MICAL3: variants seen among roughly 807,000 people sequenced by gnomAD.
The protein encoded by MICAL3 is [F-actin]-monooxygenase MICAL3.
MICAL3 carries 62 observed loss-of-function variants against 207.4 expected under a neutral mutation model. The ratio of observed to expected loss-of-function variants is 0.30; its 90% confidence interval spans 0.24 to 0.37. The LOEUF (loss-of-function observed/expected upper bound fraction) is 0.37. Among genes scored for constraint, MICAL3 ranks in the 10% least tolerant of loss-of-function variants. The pLI is 1.00. For missense variants in MICAL3, 2,368 were observed against 2,635.6 expected (o/e 0.90, Z 2.22); for synonymous variants, 1,077 against 1,069.3 (o/e 1.01, Z -0.14).
At chr22:17,813,306 C>G (rs2062068109) in intron 27 of MICAL3, 1 of 152,208 alleles carries the variant, frequency 6.6e-6, no homozygotes, top group Admixed American at 6.5e-5. Context: ...TTAGGGAAAC[C>G]AGGGTGTGTG....
chr22:17,997,857 T>C (rs961194151), intron 1 of MICAL3, among the ~76,000 whole-genome samples: 26 of 151,814 alleles, frequency 1.7e-4, no homozygotes, highest in African/African-American at 6.3e-4. Context: ...ACTCAATAAA[T>C]GTTAACTATC....
rs2145944299 is a variant in MICAL3 at position 17,791,144 on chromosome 22, AC to A, written c.5750+57del. On this transcript the variant is annotated intron_variant, in intron 30 of 31. Coordinates refer to ENST00000441493, the MANE Select transcript of MICAL3 (RefSeq NM_015241.3). ...ACCCCTCACCCCCAAATCTGGAAGG[AC>A]CTCCATGCCGGCTGTGACAAGCATA... 17 of 1,604,696 alleles carry A rather than the reference AC, an allele frequency of 1.1e-5. No individual in the cohort carries two copies. The East Asian group carries it at 3.6e-4, about 34-fold the overall frequency.
intron 25 of MICAL3, among the ~76,000 whole-genome samples, chr22:17,819,780 A>T (rs750068835): frequency 7.9e-5 from 12 of 151,740 alleles, no homozygotes; most frequent in Admixed American, 3.9e-4. Context: ...TCTACTAAAA[A>T]TACAAAAACA....
intron 1 of MICAL3, among the ~76,000 whole-genome samples, chr22:18,014,633 G>C (rs7291656): frequency 1.3e-5 from 2 of 152,098 alleles, no homozygotes; most frequent in Non-Finnish European, 2.9e-5. Context: ...TCTTAATGGG[G>C]GAAAAAGTCC....
intron 1 of MICAL3, among the ~76,000 whole-genome samples, chr22:17,971,439 C>A (rs1215630244): frequency 6.6e-6 from 1 of 152,194 alleles, no homozygotes; most frequent in Non-Finnish European, 1.5e-5. Flanking sequence ...GCTATCGCAC[C>A]ATTGCACTCC....
chr22:17,810,642 T>C (rs1384571956), intron 28 of MICAL3, 61 bp downstream of exon 28: 4 of 1,330,556 alleles, frequency 3.0e-6, no homozygotes, highest in African/African-American at 1.4e-5. Flanking sequence ...GCTGGGTGGA[T>C]AGGGAGATGC....
At chr22:17,988,637 A>G (rs1250849483) in intron 1 of MICAL3, among the ~76,000 whole-genome samples, 1 of 152,014 alleles carries the variant, frequency 6.6e-6, no homozygotes, top group Non-Finnish European at 1.5e-5. Flanking sequence ...TTGTATTTTT[A>G]GTAGAGACGG....
At chr22:17,955,148 G>A (rs1360834028) in intron 1 of MICAL3, among the ~76,000 whole-genome samples, 2 of 152,182 alleles carry the variant, frequency 1.3e-5, no homozygotes, top group African/African-American at 4.8e-5. Context: ...TTTAGCCACT[G>A]AGAATGTCCA....
intron 29 of MICAL3, among the ~76,000 whole-genome samples, chr22:17,806,752 G>A (rs1483111545): frequency 7.3e-6 from 1 of 136,978 alleles, no homozygotes; most frequent in Non-Finnish European, 1.6e-5. Flanking sequence ...GTGAAAAGAG[G>A]TCTGCTGCTA....
chr22:17,886,130 CAG>C (rs1423465999), intron 15 of MICAL3, 79 bp from the exon 16 acceptor site: 1 of 1,477,666 alleles, frequency 6.8e-7, no homozygotes, highest in Non-Finnish European at 9.3e-7. Flanking sequence ...GAAGTGCACT[CAG>C]GACCTGGCAT....
chr22:17,823,716 T>A (rs539852468), intron 22 of MICAL3, among the ~76,000 whole-genome samples: 2 of 152,198 alleles, frequency 1.3e-5, no homozygotes, highest in Non-Finnish European at 2.9e-5. Context: ...TTGTGTCCCA[T>A]CCCCAAGATC....
At chr22:17,926,645 C>T (rs887364754) in intron 1 of MICAL3, among the ~76,000 whole-genome samples, 2 of 152,226 alleles carry the variant, frequency 1.3e-5, no homozygotes, top group African/African-American at 4.8e-5. Flanking sequence ...TGCCATCTAC[C>T]TAAGTCAGAA....
intron 1 of MICAL3, among the ~76,000 whole-genome samples, chr22:17,941,895 A>T (rs909492777): frequency 1.3e-5 from 2 of 152,156 alleles, no homozygotes; most frequent in Non-Finnish European, 2.9e-5. Context: ...AGGAGGGGGA[A>T]AGCAGAAGGA....
At chr22:17,792,997 C>T (rs1601908800) in intron 29 of MICAL3, among the ~76,000 whole-genome samples, 3 of 152,026 alleles carry the variant, frequency 2.0e-5, no homozygotes, top group Admixed American at 6.5e-5. Flanking sequence ...CCGGCCACGG[C>T]GGCACCAGGG....
intron 19 of MICAL3, among the ~76,000 whole-genome samples, chr22:17,854,670 C>T (rs1020753807): frequency 1.3e-4 from 20 of 152,194 alleles, no homozygotes; most frequent in African/African-American, 4.6e-4. Context: ...TGTCTCATGA[C>T]GCGACTCTAC....
chr22:17,932,622 T>C (rs1176766273), intron 1 of MICAL3, among the ~76,000 whole-genome samples: 3 of 152,090 alleles, frequency 2.0e-5, no homozygotes, highest in Admixed American at 6.5e-5. Context: ...AATTCACACA[T>C]AACAATATTA....
At chr22:17,801,302 G>C (rs369319506) in intron 29 of MICAL3, among the ~76,000 whole-genome samples, 1 of 104,938 alleles carries the variant, frequency 9.5e-6, no homozygotes, top group Non-Finnish European at 1.8e-5. Context: ...ACAGGCGCCC[G>C]CCACTACGCC....
intron 1 of MICAL3, among the ~76,000 whole-genome samples, chr22:17,970,440 T>G (rs2146409002): frequency 6.7e-6 from 1 of 148,260 alleles, no homozygotes; most frequent in South Asian, 2.1e-4. Context: ...GCCCACTGGT[T>G]GGAGGCCCCT....
rs530444781 is a variant in MICAL3, at chr22:17,902,829, C to T, written c.473-82G>A. On this transcript the variant is annotated intron_variant, in intron 3 of 31. Coordinates refer to ENST00000441493, the MANE Select transcript of MICAL3 (RefSeq NM_015241.3). The surrounding 1 kb of genome is among the most constrained non-coding windows in gnomAD (Gnocchi z 4.5). ...CGTGTCGCAGCTCAGGCTCCCACCCCGCCACCTACGCCCCCTTCATTCAGA... is the reference window on the plus strand; with the variant it reads ...CGTGTCGCAGCTCAGGCTCCCACCCTGCCACCTACGCCCCCTTCATTCAGA... 1.3e-4 allele frequency: 98 copies of T among 772,906 alleles called. No individual in the cohort carries two copies. The African/African-American group carries it at 1.3e-3, about 10-fold the overall frequency. 47.9% of individuals were successfully genotyped at this position (772,906 alleles called of 1,614,324 possible).
Sources: gnomAD v4.1 joint callset for allele counts (sites outside exome capture counted in the v4.1 genomes callset) on GRCh38, gnomAD v4.1.1 for gene constraint, Gnocchi (gnomAD v3.1) non-coding constraint, MANE v1.5 for transcripts, NCBI Gene and HGNC (gene_info 2026-07-23, HGNC 2026-07-21) for gene names.